The following PCDH7 variants were observed in gnomAD, a reference collection of about 807,000 sequenced individuals.
PCDH7 encodes the protein protocadherin-7.
PCDH7 carries 17 observed loss-of-function variants against 58.9 expected under a neutral mutation model. The ratio of observed to expected loss-of-function variants is 0.29; its 90% CI spans 0.20 to 0.43. The LOEUF is 0.43. Among genes scored for constraint, PCDH7 ranks in the 20% least tolerant of loss-of-function variants. PCDH7 has a pLI of 1.00. For synonymous variants in PCDH7, 664 were observed against 616.4 expected (o/e 1.08, Z -1.14); for missense variants, 1,274 against 1,441.0 (o/e 0.88, Z 1.88).
Position 30,813,208 on chromosome 4 carries a change from G to A in PCDH7, c.70+88612G>A, listed in dbSNP as rs139934483. Reference sequence around the variant, plus strand: ...ATTGCAATCTATGTTTACTAAATACGGAGATAGATCTATTAGCTTTTAAAA... The same window carrying A: ...ATTGCAATCTATGTTTACTAAATACAGAGATAGATCTATTAGCTTTTAAAA... On this transcript the variant is annotated intron_variant, in intron 1 of 3. Coordinates refer to the PCDH7 transcript ENST00000509759. Among the ~76,000 whole-genome samples, 9 of 152,208 alleles carry A rather than the reference G, an allele frequency of 5.9e-5. No homozygotes were observed. In the East Asian group the frequency reaches 1.4e-3, roughly 23 times the overall value.
intron 3 of PCDH7, among the ~76,000 whole-genome samples, chr4:31,080,685 A>G (rs1443493402): frequency 6.6e-6 from 1 of 152,178 alleles, no homozygotes; most frequent in Non-Finnish European, 1.5e-5. Flanking sequence ...GAAGCCAGAG[A>G]AAGCTATAAA....
At chr4:30,871,719 G>T (rs904965476) in intron 1 of PCDH7, among the ~76,000 whole-genome samples, 1 of 151,980 alleles carries the variant, frequency 6.6e-6, no homozygotes, top group South Asian at 2.1e-4. Flanking sequence ...AAAACGGGTG[G>T]CACAAAATAA....
At chr4:30,739,165 T>A (rs930388100) in intron 1 of PCDH7, among the ~76,000 whole-genome samples, 4 of 147,394 alleles carry the variant, frequency 2.7e-5, no homozygotes, top group Non-Finnish European at 6.0e-5. Flanking sequence ...ATATATTATA[T>A]ATATATATCT....
chr4:30,735,722 TTGGGGAGG>T (rs2109242617), downstream of PCDH7, among the ~76,000 whole-genome samples: 1 of 151,678 alleles, frequency 6.6e-6, no homozygotes, highest in East Asian at 1.9e-4. Flanking sequence ...TAGCGAGGAG[TTGGGGAGG>T]TAGGGTGAGA....
At chr4:30,844,276 A>G (rs1226768679) in intron 1 of PCDH7, among the ~76,000 whole-genome samples, 1 of 152,230 alleles carries the variant, frequency 6.6e-6, no homozygotes, top group African/African-American at 2.4e-5. Context: ...TAATGTTACT[A>G]AACAAACAAA....
intron 3 of PCDH7, among the ~76,000 whole-genome samples, chr4:30,959,988 A>G (rs1578417377): frequency 6.6e-6 from 1 of 151,708 alleles, no homozygotes; most frequent in Non-Finnish European, 1.5e-5. Context: ...TCTGTATTCT[A>G]TTTTCTCACC....
intron 1 of PCDH7, among the ~76,000 whole-genome samples, chr4:30,811,291 A>G (rs952854522): frequency 6.6e-6 from 1 of 152,166 alleles, no homozygotes; most frequent in African/African-American, 2.4e-5. Flanking sequence ...ATTATATACC[A>G]ATTAGTTTAT....
At chr4:30,830,142 G>A (rs1729589495) in intron 1 of PCDH7, among the ~76,000 whole-genome samples, 1 of 151,974 alleles carries the variant, frequency 6.6e-6, no homozygotes, top group South Asian at 2.1e-4. Context: ...ATTCAACTAT[G>A]ATACCTAAAT....
Position 30,888,875 on chromosome 4 carries a change from T to C in PCDH7, c.71-31278T>C, listed in dbSNP as rs549087277. Among the ~76,000 whole-genome samples, 27 of 146,682 alleles carry C rather than the reference T, an allele frequency of 1.8e-4. No individual in the cohort carries two copies. The South Asian group carries it at 5.4e-3, about 29-fold the overall frequency. ...AATTCTCCATAGTAAAACAAGTTTG[T>C]TAATAATATATATATTTACTTTTGA... is the stretch of plus-strand genomic sequence containing the variant. On this transcript the variant is annotated intron_variant, in intron 1 of 3. Coordinates refer to the PCDH7 transcript ENST00000509759.
chr4:31,063,935 AG>A (rs1440341449), intron 3 of PCDH7, among the ~76,000 whole-genome samples: 17 of 151,976 alleles, frequency 1.1e-4, no homozygotes, highest in Admixed American at 2.0e-4. Context: ...TAACTGGAGA[AG>A]ACAGTCAACC....
chr4:30,721,146 G>T lies in PCDH7; in HGVS notation c.-277G>T, dbSNP rs949082863. On this transcript the variant is annotated 5_prime_UTR_variant, in exon 1 of 2. Coordinates refer to ENST00000361762, the Ensembl canonical transcript of PCDH7. This position sits in a 1 kb window ranked among gnomAD's most constrained non-coding sequence, Gnocchi z 6.7. Reference sequence around the variant, plus strand: ...CTGTGAGTACTGCGACTGAACGGCGGCAGGCGAGCGGGCGATTAGCACCCA... The same window carrying T: ...CTGTGAGTACTGCGACTGAACGGCGTCAGGCGAGCGGGCGATTAGCACCCA... 2.4e-5 allele frequency: 11 copies of T among 453,574 alleles called. No homozygotes were observed. The highest frequency in any genetic ancestry group is 5.5e-4 in the Middle Eastern group (1 of 1,810). The allele number at this position is 453,574 out of a possible 1,614,324, so 28.1% of individuals were successfully genotyped here. A position where few individuals can be genotyped will look rare whatever the true frequency, so the allele number is the denominator to read the frequency against.
intron 3 of PCDH7, among the ~76,000 whole-genome samples, chr4:31,046,031 G>A (rs906322485): frequency 1.3e-5 from 2 of 151,994 alleles, no homozygotes; most frequent in East Asian, 1.9e-4. Flanking sequence ...ATGCAATCAC[G>A]CATTCTTTGC....
chr4:31,136,482 T>A (rs1162702870), intron 3 of PCDH7, among the ~76,000 whole-genome samples: 1 of 152,220 alleles, frequency 6.6e-6, no homozygotes, highest in African/African-American at 2.4e-5. Context: ...ATGGTACAGA[T>A]GATGCCACAG....
downstream of PCDH7, chr4:31,144,022 A>G (rs1322481836): frequency 6.6e-6 from 1 of 152,196 alleles, no homozygotes; most frequent in Non-Finnish European, 1.5e-5. Context: ...GCATTGGCAT[A>G]TAGTCTTGAT....
chr4:31,000,590 A>G (rs1752285004), intron 3 of PCDH7, among the ~76,000 whole-genome samples: 2 of 152,076 alleles, frequency 1.3e-5, no homozygotes, highest in Non-Finnish European at 1.5e-5. Context: ...TAAAATAAGT[A>G]TGAGGTCAAT....
intron 3 of PCDH7, among the ~76,000 whole-genome samples, chr4:31,056,373 GAAGA>G: frequency 6.8e-6 from 1 of 147,462 alleles, no homozygotes; most frequent in South Asian, 2.2e-4. Flanking sequence ...GACAGGAAAG[GAAGA>G]AAGAAAGAAG....
At chr4:30,792,010 T>A (rs893918754) in intron 1 of PCDH7, among the ~76,000 whole-genome samples, 2 of 152,206 alleles carry the variant, frequency 1.3e-5, no homozygotes, top group Non-Finnish European at 2.9e-5. Context: ...CTATTATATT[T>A]GATGAGGATT....
chr4:30,832,199 C>A (rs1009876723), intron 1 of PCDH7, among the ~76,000 whole-genome samples: 2 of 152,124 alleles, frequency 1.3e-5, no homozygotes, highest in African/African-American at 2.4e-5. Context: ...AGAAAGGATG[C>A]AACCTATAAT....
intron 1 of PCDH7, among the ~76,000 whole-genome samples, chr4:30,781,540 T>C (rs558250598): frequency 9.9e-4 from 150 of 150,896 alleles, no homozygotes; most frequent in African/African-American, 3.5e-3. Context: ...TCTCTCTATT[T>C]TTTTTTTTTT....
Sources: allele counts gnomAD v4.1 joint callset (sites outside exome capture counted in the v4.1 genomes callset), GRCh38; gene constraint gnomAD v4.1.1; non-coding constraint Gnocchi (gnomAD v3.1); transcripts MANE v1.5; gene names NCBI Gene and HGNC (gene_info 2026-07-23, HGNC 2026-07-21).